Variants in SYNDIG1L observed in about 807,000 individuals in gnomAD.
SYNDIG1L encodes synapse differentiation-inducing gene protein 1-like.
SYNDIG1L carries 13 observed loss-of-function variants against 20.1 expected under a neutral mutation model. The ratio of observed to expected loss-of-function variants is 0.65; its 90% CI spans 0.42 to 1.03. The LOEUF is 1.03. Ranked by LOEUF, SYNDIG1L falls within the 50% of genes least tolerant of loss-of-function variation. The pLI is 0.00. For synonymous variants in SYNDIG1L, 128 were observed against 129.3 expected, an observed-to-expected ratio of 0.99 and a Z score of 0.07; for missense variants, 294 against 305.1, an observed-to-expected ratio of 0.96 and a Z score of 0.27.
the SYNDIG1L span, chr14:74,473,925 T>A: frequency 6.6e-6 from 1 of 152,206 alleles, no homozygotes; most frequent in African/African-American, 2.4e-5. Context: ...AAGAAAGGCA[T>A]TCACTGAGTC....
intron 1 of SYNDIG1L, among the ~76,000 whole-genome samples, chr14:74,414,099 A>C (rs535969599): frequency 2.5e-4 from 38 of 152,284 alleles, no homozygotes; most frequent in Non-Finnish European, 3.8e-4. Context: ...AGGGACCGGC[A>C]CTCAGAGCAG....
the SYNDIG1L span, among the ~76,000 whole-genome samples, chr14:74,464,726 G>T: frequency 6.6e-6 from 1 of 151,962 alleles, no homozygotes; most frequent in African/African-American, 2.4e-5. Context: ...CCTGTCCCTC[G>T]GTTTCCTCCT....
At chr14:74,410,152 C>T (rs926157122) in intron 1 of SYNDIG1L, among the ~76,000 whole-genome samples, 2 of 152,214 alleles carry the variant, frequency 1.3e-5, no homozygotes, top group Non-Finnish European at 2.9e-5. Context: ...TTTGTCTTCA[C>T]AAAACTTCCA....
chr14:74,447,407 T>C, the SYNDIG1L span, among the ~76,000 whole-genome samples: 1 of 152,024 alleles, frequency 6.6e-6, no homozygotes, highest in South Asian at 2.1e-4. Flanking sequence ...GCCAACATGG[T>C]GAAACCCCGT....
the SYNDIG1L span, among the ~76,000 whole-genome samples, chr14:74,471,227 G>C: frequency 3.3e-5 from 5 of 152,096 alleles, no homozygotes; most frequent in Non-Finnish European, 7.3e-5. Flanking sequence ...TGATCCTCTC[G>C]ATCCTCTGCA....
chr14:74,446,526 A>G, the SYNDIG1L span, among the ~76,000 whole-genome samples: 1 of 152,128 alleles, frequency 6.6e-6, no homozygotes, highest in Non-Finnish European at 1.5e-5. Flanking sequence ...CACGTTGTTT[A>G]TTGCTATTAC....
chr14:74,473,945 C>G, the SYNDIG1L span: 133 of 152,342 alleles, frequency 8.7e-4, no homozygotes, highest in African/African-American at 3.1e-3. Context: ...CAGTCTCAAC[C>G]TTGTTCTTCT....
At position 74,407,891 on chromosome 14, in the gene SYNDIG1L, G is replaced by A. The variant is rs200626212; in HGVS notation, c.516C>T (p.Cys172=). Residue 172 remains cysteine (C), a synonymous_variant, in exon 3 of 4, where the codon TGC becomes TGT. Transcript: ENST00000331628. ...LGLTLFSMLC[C]FWPLGIAAFY... ...AGGCAGCAATGCCCAGTGGCCAGAA[G>A]CAGCAGAGCATGGAGAAGAGAGTAA... 5.0e-6 allele frequency: 8 copies of A among 1,613,790 alleles called. No homozygotes were observed. In the African/African-American group the frequency reaches 9.3e-5, roughly 19 times the overall value.
the SYNDIG1L span, among the ~76,000 whole-genome samples, chr14:74,458,835 G>T: frequency 6.6e-6 from 1 of 152,112 alleles, no homozygotes; most frequent in African/African-American, 2.4e-5. Context: ...CTGTGGGTAA[G>T]GAGACCAAGC....
chr14:74,416,069 G>T (rs563359051), intron 1 of SYNDIG1L, among the ~76,000 whole-genome samples: 2 of 152,108 alleles, frequency 1.3e-5, no homozygotes, highest in Admixed American at 6.6e-5. Context: ...GCTCAGGGCT[G>T]GGGGGAGAGG....
At chr14:74,416,070 G>A (rs943869141) in intron 1 of SYNDIG1L, among the ~76,000 whole-genome samples, 1 of 152,128 alleles carries the variant, frequency 6.6e-6, no homozygotes, top group Non-Finnish European at 1.5e-5. Context: ...CTCAGGGCTG[G>A]GGGGAGAGGA....
Position 74,409,747 on chromosome 14 carries a change from T to C in SYNDIG1L, c.-3A>G. The C allele has an allele frequency of 7.0e-7, 1 of 1,426,734 alleles. No homozygotes were observed. Among genetic ancestry groups the C allele is most frequent in the Non-Finnish European group, 9.2e-7 (1 of 1,086,990 alleles). The allele number at this position is 1,426,734 out of a possible 1,614,324, so 88.4% of individuals were successfully genotyped here. On this transcript the variant is annotated 5_prime_UTR_variant, in exon 2 of 4. Transcript: ENST00000331628. ...TGTAGTTCACTCAGACTCTCCATGG[T>C]TCTGGGGCAGCTGCTGGGGAGGGGG...
At chr14:74,421,151 G>C (rs1277144641) in intron 1 of SYNDIG1L, among the ~76,000 whole-genome samples, 1 of 151,986 alleles carries the variant, frequency 6.6e-6, no homozygotes, top group Non-Finnish European at 1.5e-5. Context: ...AGATATAAAA[G>C]AACACTGCAT....
the SYNDIG1L span, among the ~76,000 whole-genome samples, chr14:74,472,610 A>G: frequency 2.6e-5 from 4 of 152,218 alleles, no homozygotes; most frequent in African/African-American, 9.6e-5. Context: ...ATAGTGTTGA[A>G]TTGTGTCATG....
rs927714688 is a variant in SYNDIG1L, at chr14:74,408,202, G to A, written c.418-213C>T. Reference sequence around the variant, plus strand: ...GATTCCACTTTTAGGAATTTATCACGAGGAAAGAAGGTAAATACCTACATC... The same window carrying A: ...GATTCCACTTTTAGGAATTTATCACAAGGAAAGAAGGTAAATACCTACATC... On this transcript the variant is annotated intron_variant, in intron 2 of 3. Coordinates refer to ENST00000331628, the MANE Select transcript of SYNDIG1L (RefSeq NM_001105579.2). 2.6e-5 allele frequency among the ~76,000 whole-genome samples: 4 copies of A among 152,132 alleles called. No individual in the cohort carries two copies. In the East Asian group the frequency reaches 5.8e-4, roughly 22 times the overall value.
the SYNDIG1L span, among the ~76,000 whole-genome samples, chr14:74,464,409 G>A: frequency 6.6e-6 from 1 of 152,128 alleles, no homozygotes; most frequent in Non-Finnish European, 1.5e-5. Context: ...CAAACCGTGA[G>A]CTCTTTGGTG....
Position 74,407,689 on chromosome 14 carries a change from C to G in SYNDIG1L, c.563G>C (p.Ser188Thr), listed in dbSNP as rs779380910. The change falls in exon 4 of 4, where the codon AGC becomes ACC. Residue 188 changes from serine to threonine, a missense_variant. Transcript: ENST00000331628. ...IAAFYFSQGTSKAISKGDFRL... is the reference protein window; with the variant it reads ...IAAFYFSQGTTKAISKGDFRL... ...GAAGTCCCCTTTGGAGATGGCCTTGCTGGTCTAGGGAGAGAGACATGCTGA... is the reference window on the plus strand; with the variant it reads ...GAAGTCCCCTTTGGAGATGGCCTTGGTGGTCTAGGGAGAGAGACATGCTGA... 1 of 1,604,590 alleles carries G rather than the reference C, an allele frequency of 6.2e-7. No homozygotes were observed. Among genetic ancestry groups the G allele is most frequent in the South Asian group, 1.1e-5 (1 of 88,982 alleles).
At chr14:74,449,589 T>C in the SYNDIG1L span, among the ~76,000 whole-genome samples, 1 of 140,462 alleles carries the variant, frequency 7.1e-6, no homozygotes, top group Non-Finnish European at 1.5e-5. Flanking sequence ...TTTAGCCTGG[T>C]GACAGAGCAA....
chr14:74,454,493 T>C, the SYNDIG1L span, among the ~76,000 whole-genome samples: 3 of 152,196 alleles, frequency 2.0e-5, no homozygotes, highest in African/African-American at 4.8e-5. Flanking sequence ...CTGGCTCTAG[T>C]GGCCAGAGAG....
Sources: gnomAD v4.1 joint callset for allele counts (sites outside exome capture counted in the v4.1 genomes callset) on GRCh38, gnomAD v4.1.1 for gene constraint, MANE v1.5 for transcripts, NCBI Gene and HGNC (gene_info 2026-07-23, HGNC 2026-07-21) for gene names.